The following TWIST2 variants were observed in gnomAD, a reference collection of about 807,000 sequenced individuals.
The protein encoded by TWIST2 is twist-related protein 2.
A neutral mutation model predicts 11.6 loss-of-function variants in TWIST2; 1 was observed. The observed-to-expected ratio is 0.09, with a 90% confidence interval of 0.03 to 0.41. TWIST2 has a LOEUF of 0.41. Among genes scored for constraint, TWIST2 ranks in the 10% least tolerant of loss-of-function variants. TWIST2 has a pLI of 0.98. For missense variants in TWIST2, 168 were observed against 226.4 expected (o/e 0.74, Z 1.66); for synonymous variants, 87 against 96.6 (o/e 0.90, Z 0.58).
At chr2:238,870,375 C>CAA (rs1692645627) in intron 1 of TWIST2, among the ~76,000 whole-genome samples, 1 of 3,192 alleles carries the variant, frequency 3.1e-4, no homozygotes. Flanking sequence ...ACCACACACC[C>CAA]CACACACCCC....
At chr2:238,848,764 C>T in intron 1 of TWIST2, 31 bp downstream of exon 1, 5 of 1,324,596 alleles carry the variant, frequency 3.8e-6, no homozygotes, top group Non-Finnish European at 3.8e-6. Flanking sequence ...GGGCGCCCTC[C>T]GCTGCGGGGG....
chr2:238,906,879 G>A (rs1452402162), intron 1 of TWIST2, among the ~76,000 whole-genome samples: 1 of 152,216 alleles, frequency 6.6e-6, no homozygotes, highest in African/African-American at 2.4e-5. Flanking sequence ...GTCTCGTTGC[G>A]CTGGTTTGCC....
chr2:238,867,393 A>ACACACACACACACACACG lies in TWIST2; in HGVS notation c.*35+18677_*35+18678insGCACACACACACACACAC, dbSNP rs1692561616. On this transcript the variant is annotated intron_variant, in intron 1 of 1. Transcript: ENST00000612363. This position sits in a 1 kb window ranked among gnomAD's most constrained non-coding sequence, Gnocchi z 4.8. Reference sequence around the variant, plus strand: ...TCAACACACACACACACACACACACACACACACACACACACACACTCCTCA... The same window carrying ACACACACACACACACACG: ...TCAACACACACACACACACACACACACACACACACACACACACGCACACACACACACACACACTCCTCA... Among the ~76,000 whole-genome samples the ACACACACACACACACACG allele has an allele frequency of 6.6e-6, 1 of 150,972 alleles. No individual in the cohort carries two copies. Among genetic ancestry groups the ACACACACACACACACACG allele is most frequent in the Admixed American group, 6.6e-5 (1 of 15,122 alleles).
chr2:238,857,704 AGGTG>A (rs1559268135), intron 1 of TWIST2, among the ~76,000 whole-genome samples: 1 of 152,114 alleles, frequency 6.6e-6, no homozygotes, highest in African/African-American at 2.4e-5. Context: ...TGGGAGGCCA[AGGTG>A]GGTGGATTAC....
At chr2:238,849,059 A>G (rs1251803428) in intron 1 of TWIST2, among the ~76,000 whole-genome samples, 2 of 151,166 alleles carry the variant, frequency 1.3e-5, no homozygotes, top group Admixed American at 1.3e-4. Flanking sequence ...TTGGCGGTGG[A>G]AGGAGCGAGC....
intron 1 of TWIST2, among the ~76,000 whole-genome samples, chr2:238,865,041 C>T (rs183168357): frequency 5.3e-5 from 8 of 152,288 alleles, no homozygotes; most frequent in East Asian, 3.9e-4. Context: ...CAAAGCCACA[C>T]GGGGTCACTC....
intron 1 of TWIST2, among the ~76,000 whole-genome samples, chr2:238,898,582 G>A (rs890708261): frequency 1.3e-5 from 2 of 152,240 alleles, no homozygotes; most frequent in Non-Finnish European, 2.9e-5. Context: ...CAGGGTGGGC[G>A]CAATGTGGGC....
At position 238,863,859 on chromosome 2, in the gene TWIST2, T is replaced by C. The variant is rs1050090481; in HGVS notation, c.*35+15126T>C. On this transcript the variant is annotated intron_variant, in intron 1 of 1. Coordinates refer to ENST00000612363, the MANE Select transcript of TWIST2 (RefSeq NM_001271893.4). The surrounding 1 kb of genome is among the most constrained non-coding windows in gnomAD (Gnocchi z 4.7). ...CTGGCCTTGTATGATGAATGACAAA[T>C]GTGTGGGACTGAGGAGAGGTCGGCC... is the stretch of plus-strand genomic sequence containing the variant. Among the ~76,000 whole-genome samples, 5 of 152,012 alleles carry C rather than the reference T, an allele frequency of 3.3e-5. No homozygotes were observed. The highest frequency in any genetic ancestry group is 7.4e-5 in the Non-Finnish European group (5 of 67,992).
intron 1 of TWIST2, among the ~76,000 whole-genome samples, chr2:238,869,001 C>T (rs1026719211): frequency 6.6e-6 from 1 of 152,234 alleles, no homozygotes; most frequent in African/African-American, 2.4e-5. Context: ...GTCGTCCGCA[C>T]CAGCATCAGG....
chr2:238,857,524 C>T (rs528965551), intron 1 of TWIST2, among the ~76,000 whole-genome samples: 5 of 152,042 alleles, frequency 3.3e-5, no homozygotes, highest in Admixed American at 1.3e-4. Context: ...GCCACTGCTG[C>T]GGTTTGCAGA....
chr2:238,852,643 A>G (rs1692261629), intron 1 of TWIST2, among the ~76,000 whole-genome samples: 1 of 133,006 alleles, frequency 7.5e-6, no homozygotes, highest in Non-Finnish European at 1.6e-5. Flanking sequence ...ATAAAATTGC[A>G]TAGCACTAAA....
intron 1 of TWIST2, among the ~76,000 whole-genome samples, chr2:238,860,843 C>T (rs1692419096): frequency 6.6e-6 from 1 of 152,214 alleles, no homozygotes; most frequent in Non-Finnish European, 1.5e-5. Flanking sequence ...GAGGCTGAGG[C>T]AGGAGAATCG....
At chr2:238,897,058 T>G (rs1346512693) in intron 1 of TWIST2, among the ~76,000 whole-genome samples, 2 of 152,134 alleles carry the variant, frequency 1.3e-5, no homozygotes, top group African/African-American at 4.8e-5. Context: ...GTTTCCTGAT[T>G]CCCATTTGCT....
At chr2:238,906,073 G>C (rs1693350529) in intron 1 of TWIST2, among the ~76,000 whole-genome samples, 1 of 152,154 alleles carries the variant, frequency 6.6e-6, no homozygotes, top group Non-Finnish European at 1.5e-5. Flanking sequence ...CTGTTGCCTT[G>C]GTTCAACAAA....
At chr2:238,870,888 T>C (rs1475952264) in intron 1 of TWIST2, among the ~76,000 whole-genome samples, 6 of 28,436 alleles carry the variant, frequency 2.1e-4, no homozygotes, top group South Asian at 3.0e-3. Flanking sequence ...ACACACCACA[T>C]ACACACCACA....
At chr2:238,884,840 G>T (rs1574762730) in intron 1 of TWIST2, among the ~76,000 whole-genome samples, 2 of 152,342 alleles carry the variant, frequency 1.3e-5, no homozygotes, top group East Asian at 3.9e-4. Flanking sequence ...GCTCACTGCT[G>T]CCAGAGGAAG....
intron 1 of TWIST2, among the ~76,000 whole-genome samples, chr2:238,896,338 A>T (rs1693207172): frequency 6.6e-6 from 1 of 152,232 alleles, no homozygotes; most frequent in Non-Finnish European, 1.5e-5. Flanking sequence ...CAAACAGGCC[A>T]CTGTCCCCAG....
At chr2:238,854,426 C>T (rs926307403) in intron 1 of TWIST2, among the ~76,000 whole-genome samples, 1 of 152,178 alleles carries the variant, frequency 6.6e-6, no homozygotes, top group African/African-American at 2.4e-5. Flanking sequence ...TGTATTAACC[C>T]TTCGACCTTG....
chr2:238,894,550 G>A (rs1693185026), intron 1 of TWIST2, among the ~76,000 whole-genome samples: 1 of 152,238 alleles, frequency 6.6e-6, no homozygotes, highest in Non-Finnish European at 1.5e-5. Flanking sequence ...GCCAGCCAGA[G>A]CTACCTCTGA....
Sources: gnomAD v4.1 joint callset for allele counts (sites outside exome capture counted in the v4.1 genomes callset) on GRCh38, gnomAD v4.1.1 for gene constraint, Gnocchi (gnomAD v3.1) non-coding constraint, MANE v1.5 for transcripts, NCBI Gene and HGNC (gene_info 2026-07-23, HGNC 2026-07-21) for gene names.